PIK3C2G: variants seen among roughly 807,000 people sequenced by gnomAD.
PIK3C2G encodes phosphatidylinositol-4-phosphate 3-kinase catalytic subunit type 2 gamma.
A neutral mutation model predicts 181.1 loss-of-function variants in PIK3C2G; 168 were observed. The ratio of observed to expected loss-of-function variants is 0.93; its 90% CI spans 0.82 to 1.05. The LOEUF is 1.05. Ranked by LOEUF, PIK3C2G falls within the 50% of genes least tolerant of loss-of-function variation. PIK3C2G has a pLI of 0.00. For missense variants in PIK3C2G, 1,869 were observed against 1,732.8 expected (o/e 1.08, Z -1.40); for synonymous variants, 573 against 592.2 (o/e 0.97, Z 0.47).
chr12:18,385,972 T>A (rs539929449), intron 14 of PIK3C2G, among the ~76,000 whole-genome samples: 115 of 152,256 alleles, frequency 7.6e-4, no homozygotes, highest in Non-Finnish European at 1.4e-3. Flanking sequence ...TCAGTCCTCA[T>A]CAGGCTAGCC....
At chr12:18,333,447 C>A (rs1280008223) in intron 8 of PIK3C2G, among the ~76,000 whole-genome samples, 6 of 152,084 alleles carry the variant, frequency 3.9e-5, no homozygotes, top group Non-Finnish European at 7.4e-5. Flanking sequence ...AACCCCCCAC[C>A]CACCGACAGG....
chr12:18,615,266 G>T (rs1948542272), intron 31 of PIK3C2G, among the ~76,000 whole-genome samples: 1 of 151,160 alleles, frequency 6.6e-6, no homozygotes, highest in Non-Finnish European at 1.5e-5. Context: ...ATGATCTCCA[G>T]CTCCATGCAG....
At chr12:18,656,011 C>T in the PIK3C2G span, among the ~76,000 whole-genome samples, 1 of 152,212 alleles carries the variant, frequency 6.6e-6, no homozygotes, top group South Asian at 2.1e-4. Flanking sequence ...TAGCTAATAA[C>T]AATATATCAA....
rs373330950 is a variant in PIK3C2G, at chr12:18,618,210, T to TC, written c.4182+8583dup. Among the ~76,000 whole-genome samples, 208 of 152,120 alleles carry TC rather than the reference T, an allele frequency of 1.4e-3. 4 individuals carry two copies. The highest frequency in any genetic ancestry group is 4.8e-3 in the African/African-American group (198 of 41,486). On this transcript the variant is annotated intron_variant, in intron 31 of 32. Transcript: ENST00000538779. ...TAGTGGCAGCTTTGACAGCAAAATCTCCAACAGAAACTTTGTGTTTCTGAC... is the reference window on the plus strand; with the variant it reads ...TAGTGGCAGCTTTGACAGCAAAATCTCCCAACAGAAACTTTGTGTTTCTGAC...
intron 25 of PIK3C2G, among the ~76,000 whole-genome samples, chr12:18,538,572 A>G (rs1182059274): frequency 6.6e-6 from 1 of 151,974 alleles, no homozygotes; most frequent in Non-Finnish European, 1.5e-5. Flanking sequence ...TATTTTGACT[A>G]ATGTTCAAGG....
Position 18,282,160 on chromosome 12 carries a change from G to T in PIK3C2G, c.79G>T (p.Val27Leu). Residue 27 changes from valine to leucine, a missense_variant, in exon 2 of 33, where the codon GTA (valine) becomes TTA (leucine). Val to Leu is a conservative substitution (Grantham distance 32, BLOSUM62 1). Coordinates refer to ENST00000538779, the MANE Select transcript of PIK3C2G (RefSeq NM_001288772.2). The part of the protein sequence containing the change: ...KQYEHQEFLF[V>L]NQPHSSSQVS... Reference sequence around the variant, plus strand: ...GTATGAACACCAAGAATTTCTCTTTGTAAATCAACCCCATTCTTCTAGCCA... The same window carrying T: ...GTATGAACACCAAGAATTTCTCTTTTTAAATCAACCCCATTCTTCTAGCCA... The T allele has an allele frequency of 6.2e-7, 1 of 1,611,168 alleles. No homozygotes were observed. Among genetic ancestry groups the T allele is most frequent in the East Asian group, 2.2e-5 (1 of 44,772 alleles).
At chr12:18,616,122 C>T (rs1948599500) in intron 31 of PIK3C2G, among the ~76,000 whole-genome samples, 3 of 152,082 alleles carry the variant, frequency 2.0e-5, no homozygotes, top group Admixed American at 2.0e-4. Context: ...GCTCCTGGGT[C>T]ACTCCTGCTC....
At chr12:18,444,732 A>G (rs906258944) in intron 18 of PIK3C2G, among the ~76,000 whole-genome samples, 2 of 152,080 alleles carry the variant, frequency 1.3e-5, no homozygotes, top group African/African-American at 4.8e-5. Context: ...CATAAACTGG[A>G]TACTTTTAAT....
the PIK3C2G span, among the ~76,000 whole-genome samples, chr12:18,707,141 C>T: frequency 6.6e-6 from 1 of 152,182 alleles, no homozygotes; most frequent in Admixed American, 6.5e-5. Flanking sequence ...AGAATAATCT[C>T]CCCATCTAGA....
the PIK3C2G span, among the ~76,000 whole-genome samples, chr12:18,656,236 C>A: frequency 6.6e-6 from 1 of 152,154 alleles, no homozygotes; most frequent in Non-Finnish European, 1.5e-5. Context: ...TGAGACCAAC[C>A]TGGGCAACAT....
rs141346121 is a variant in PIK3C2G, at chr12:18,537,430, T to A, written c.3324-726T>A. 6.0e-3 allele frequency among the ~76,000 whole-genome samples: 911 copies of A among 152,050 alleles called. 2 individuals carry two copies. The highest frequency in any genetic ancestry group is 0.01 in the Middle Eastern group (3 of 294). On this transcript the variant is annotated intron_variant, in intron 24 of 32. Coordinates refer to ENST00000538779, the MANE Select transcript of PIK3C2G (RefSeq NM_001288772.2). ...TATTCTCTGTTAGAATTGCTAATAT[T>A]TCATCTCAGCCCTATCCGTATCTTA... is the stretch of plus-strand genomic sequence containing the variant.
chr12:18,297,320 G>C (rs1436052047), intron 5 of PIK3C2G, among the ~76,000 whole-genome samples: 4 of 151,626 alleles, frequency 2.6e-5, no homozygotes, highest in Non-Finnish European at 5.9e-5. Context: ...AGGAGCGCAG[G>C]TTTTTCTGTT....
intron 12 of PIK3C2G, among the ~76,000 whole-genome samples, chr12:18,366,098 T>C (rs1158594486): frequency 6.6e-6 from 1 of 152,186 alleles, no homozygotes; most frequent in Admixed American, 6.5e-5. Context: ...GCTAAAGTTG[T>C]CTCTTTAAAA....
rs182537798 is a variant in PIK3C2G at position 18,606,076 on chromosome 12, C to T, written c.4088-3459C>T. Among the ~76,000 whole-genome samples the T allele has an allele frequency of 3.3e-5, 5 of 152,262 alleles. No homozygotes were observed. In the East Asian group the frequency reaches 9.6e-4, roughly 29 times the overall value. ...TCTACTCCTACTGCTACATTGACTA[C>T]TGAGTGTCAATTCCTAGTGGTGTGA... On this transcript the variant is annotated intron_variant, in intron 30 of 32. Transcript: ENST00000538779.
intron 29 of PIK3C2G, among the ~76,000 whole-genome samples, chr12:18,584,631 C>T (rs1272055326): frequency 6.6e-6 from 1 of 152,046 alleles, no homozygotes; most frequent in Non-Finnish European, 1.5e-5. Context: ...TGAATATAAT[C>T]AATTGAAAAC....
chr12:18,545,009 A>G (rs1944349300), intron 25 of PIK3C2G, among the ~76,000 whole-genome samples: 1 of 151,930 alleles, frequency 6.6e-6, no homozygotes, highest in South Asian at 2.1e-4. Context: ...CATAACCACA[A>G]TGATCTTTCA....
chr12:18,540,679 C>CA (rs974913331), intron 25 of PIK3C2G, among the ~76,000 whole-genome samples: 3 of 151,474 alleles, frequency 2.0e-5, no homozygotes, highest in Admixed American at 2.0e-4. Flanking sequence ...ATAGTATATC[C>CA]AAAAAAACTT....
At chr12:18,530,948 G>A (rs1943522261) in intron 24 of PIK3C2G, among the ~76,000 whole-genome samples, 1 of 151,992 alleles carries the variant, frequency 6.6e-6, no homozygotes, top group Non-Finnish European at 1.5e-5. Flanking sequence ...AGCAGTGTGA[G>A]AATGGAATAA....
chr12:18,708,970 T>C, the PIK3C2G span, among the ~76,000 whole-genome samples: 1 of 152,116 alleles, frequency 6.6e-6, no homozygotes, highest in Non-Finnish European at 1.5e-5. Context: ...TGCCCTTTGA[T>C]TTTGTTGGTT....
Sources: allele counts gnomAD v4.1 joint callset (sites outside exome capture counted in the v4.1 genomes callset), GRCh38; gene constraint gnomAD v4.1.1; transcripts MANE v1.5; gene names NCBI Gene and HGNC (gene_info 2026-07-23, HGNC 2026-07-21).